CES5A: variants seen among roughly 807,000 people sequenced by gnomAD.
The protein encoded by CES5A is carboxylesterase 5.
A neutral mutation model predicts 62.9 loss-of-function variants in CES5A; 67 were observed. That is an observed-to-expected ratio of 1.07 (90% CI 0.88 to 1.31). The LOEUF (loss-of-function observed/expected upper bound fraction) is 1.31. Among genes scored for constraint, CES5A ranks in the 50% most tolerant of loss-of-function variants. CES5A has a pLI of 0.00. For missense variants in CES5A, 748 were observed against 708.5 expected (o/e 1.06, Z -0.63); for synonymous variants, 296 against 280.8 (o/e 1.05, Z -0.54).
chr16:55,895,051 A>G (rs2033918020), intron 1 of CES5A, among the ~76,000 whole-genome samples: 1 of 152,228 alleles, frequency 6.6e-6, no homozygotes, highest in Non-Finnish European at 1.5e-5. Flanking sequence ...AACCTGTAAG[A>G]GCCCTAAGCT....
chr16:55,868,752 C>T (rs1454744312), intron 4 of CES5A, among the ~76,000 whole-genome samples: 1 of 152,150 alleles, frequency 6.6e-6, no homozygotes, highest in African/African-American at 2.4e-5. Flanking sequence ...TACATTGGAC[C>T]CTCATCAGGA....
intron 1 of CES5A, among the ~76,000 whole-genome samples, chr16:55,950,089 G>A (rs1366656868): frequency 6.6e-6 from 1 of 152,074 alleles, no homozygotes; most frequent in Non-Finnish European, 1.5e-5. Context: ...GCCTGAAAGG[G>A]GAAAGGCAGA....
chr16:55,859,516 G>C, intron 8 of CES5A, 31 bp downstream of exon 8: 1 of 1,603,912 alleles, frequency 6.2e-7, no homozygotes, highest in Non-Finnish European at 8.5e-7. Flanking sequence ...CGGTTTGAGG[G>C]AGTGGCAGTA....
intron 2 of CES5A, among the ~76,000 whole-genome samples, chr16:55,873,590 G>A (rs1218251811): frequency 6.6e-6 from 1 of 152,182 alleles, no homozygotes; most frequent in African/African-American, 2.4e-5. Context: ...GGGATATTCT[G>A]ATTCAGAAAG....
chr16:55,860,554 T>C (rs1463283343), intron 7 of CES5A, among the ~76,000 whole-genome samples: 1 of 152,218 alleles, frequency 6.6e-6, no homozygotes, highest in South Asian at 2.1e-4. Flanking sequence ...AAAATGGTGG[T>C]AGATGAAGTG....
Position 55,861,471 on chromosome 16 carries a change from C to CT in CES5A, c.855_856insA (p.Glu286ArgfsTer30). The CT allele has an allele frequency of 6.2e-7, 1 of 1,614,052 alleles. No homozygotes were observed. The highest frequency in any genetic ancestry group is 8.5e-7 in the Non-Finnish European group (1 of 1,179,898). The stretch of plus-strand genomic sequence containing the variant: ...GTCCTCAGGCACCTCAGCAGGGCCT[C>CT]AGAGTCTGACGCATTGTTACCACAG... On this transcript the variant is annotated frameshift_variant, in exon 7 of 13. Transcript: ENST00000290567. LOFTEE classifies it high-confidence loss of function.
At chr16:55,945,403 G>A (rs2034484401) in intron 2 of CES5A, among the ~76,000 whole-genome samples, 1 of 152,248 alleles carries the variant, frequency 6.6e-6, no homozygotes, top group South Asian at 2.1e-4. Flanking sequence ...GCCTTCAGCT[G>A]TTCTTACAGA....
Position 55,846,410 on chromosome 16 carries a change from T to C in CES5A, c.*41A>G, listed in dbSNP as rs768659433. On this transcript the variant is annotated 3_prime_UTR_variant, in exon 13 of 13. Transcript: ENST00000290567. ...AAGCTAATGATTGCGGGAGAAATTATGGGAGGAGAAGGGAAACCAAAATCA... is the reference window on the plus strand; with the variant it reads ...AAGCTAATGATTGCGGGAGAAATTACGGGAGGAGAAGGGAAACCAAAATCA... The C allele has an allele frequency of 6.8e-7, 1 of 1,463,178 alleles. No homozygotes were observed. The highest frequency in any genetic ancestry group is 1.2e-5 in the South Asian group (1 of 86,560). 90.6% of individuals were successfully genotyped at this position (1,463,178 alleles called of 1,614,324 possible). A position where few individuals can be genotyped will look rare whatever the true frequency, so the allele number is the denominator to read the frequency against.
intron 1 of CES5A, among the ~76,000 whole-genome samples, chr16:55,889,705 C>T (rs1053067557): frequency 4.6e-5 from 7 of 151,656 alleles, no homozygotes; most frequent in South Asian, 2.1e-4. Context: ...TGATTGATTA[C>T]GTCATTGGCC....
chr16:55,938,738 A>G, intron 2 of CES5A, among the ~76,000 whole-genome samples: 1 of 31,952 alleles, frequency 3.1e-5, no homozygotes, highest in Non-Finnish European at 5.2e-5. Flanking sequence ...TCCATCTCAA[A>G]AAAAAAAAAA....
intron 2 of CES5A, among the ~76,000 whole-genome samples, chr16:55,938,566 T>C (rs1160200174): frequency 4.6e-5 from 7 of 150,630 alleles, no homozygotes; most frequent in African/African-American, 7.3e-5. Flanking sequence ...TGAAACCCCG[T>C]CTCTACTAAA....
intron 2 of CES5A, among the ~76,000 whole-genome samples, chr16:55,872,381 TC>T (rs763854916): frequency 2.2e-4 from 33 of 152,204 alleles, no homozygotes; most frequent in Non-Finnish European, 3.2e-4. Context: ...TTTCTCCAGT[TC>T]TACCATACCT....
chr16:55,940,978 A>C (rs1025187224), intron 2 of CES5A, among the ~76,000 whole-genome samples: 1 of 151,992 alleles, frequency 6.6e-6, no homozygotes, highest in Non-Finnish European at 1.5e-5. Flanking sequence ...CTCTCCATAA[A>C]CTTGAAATAG....
chr16:55,851,021 C>G (rs1360779704), intron 10 of CES5A, among the ~76,000 whole-genome samples: 1 of 152,084 alleles, frequency 6.6e-6, no homozygotes, highest in Non-Finnish European at 1.5e-5. Flanking sequence ...AAATGTAAAA[C>G]TAAAACTGTA....
Position 55,866,029 on chromosome 16 carries a change from G to A in CES5A, c.639C>T (p.Phe213=), listed in dbSNP as rs780657709. Residue 213 remains phenylalanine, a synonymous_variant, in exon 5 of 13, where the codon TTC becomes TTT. Transcript: ENST00000290567. ...TGGTCACAGAGCTGGGGTCCCCACCGAAGAACTCGATGTTCTTCTGGACCC... is the reference window on the plus strand; with the variant it reads ...TGGTCACAGAGCTGGGGTCCCCACCAAAGAACTCGATGTTCTTCTGGACCC... The part of the protein sequence containing the change: ...LSWVQKNIEF[F]GGDPSSVTIF... 29 of 1,614,086 alleles carry A rather than the reference G, an allele frequency of 1.8e-5. No individual in the cohort carries two copies. The highest frequency in any genetic ancestry group is 6.7e-5 in the African/African-American group (5 of 74,932).
chr16:55,913,064 G>A (rs922933286), intron 1 of CES5A, among the ~76,000 whole-genome samples: 2 of 152,122 alleles, frequency 1.3e-5, no homozygotes, highest in Non-Finnish European at 2.9e-5. Flanking sequence ...CTGGTTGTGC[G>A]GGAGACCGGA....
At chr16:55,862,323 C>T (rs1159599597) in intron 6 of CES5A, among the ~76,000 whole-genome samples, 3 of 152,164 alleles carry the variant, frequency 2.0e-5, no homozygotes, top group Non-Finnish European at 4.4e-5. Context: ...CCTGGGAAAA[C>T]GTGCAAGCAT....
In CES5A at chr16:55,852,986, A is replaced by G. The variant is rs368566931; in HGVS notation, c.1168T>C (p.Phe390Leu). 3 of 1,614,060 alleles carry G rather than the reference A, an allele frequency of 1.9e-6. No individual in the cohort carries two copies. In the African/African-American group the frequency reaches 4.0e-5, roughly 22 times the overall value. Residue 390 changes from phenylalanine to leucine, a missense_variant, in exon 10 of 13, where the codon TTC (phenylalanine) becomes CTC (leucine). By Grantham distance (22) the Phe-to-Leu change is conservative. Transcript: ENST00000290567. ...QYLHLVANEY[F>L]HDKHSLTEIR... ...TCAGTCAGGGAGTGCTTGTCATGGA[A>G]GTATTCATTAGCCACAAGGTGCAAA...
intron 8 of CES5A, among the ~76,000 whole-genome samples, 165 bp from the exon 9 acceptor site, chr16:55,856,610 A>C (rs561239910): frequency 1.3e-5 from 2 of 152,282 alleles, no homozygotes; most frequent in South Asian, 4.1e-4. Flanking sequence ...TCAGATAGTT[A>C]ATTTCTTCTC....
Sources: allele counts gnomAD v4.1 joint callset (sites outside exome capture counted in the v4.1 genomes callset), GRCh38; gene constraint gnomAD v4.1.1; transcripts MANE v1.5; gene names NCBI Gene and HGNC (gene_info 2026-07-23, HGNC 2026-07-21).